The following SAE1 variants were observed in gnomAD, a reference collection of about 807,000 sequenced individuals.
SAE1 encodes the protein SUMO-activating enzyme subunit 1.
In SAE1, 11 loss-of-function variants were observed where a neutral mutation model predicts 40.6. The ratio of observed to expected loss-of-function variants is 0.27; its 90% CI spans 0.17 to 0.45. The LOEUF (loss-of-function observed/expected upper bound fraction) is 0.45. Ranked by LOEUF, SAE1 falls within the 20% of genes least tolerant of loss-of-function variation. The pLI, the probability that SAE1 is intolerant of heterozygous loss-of-function variation, is 1.00. For missense variants in SAE1, 373 were observed against 427.3 expected, an observed-to-expected ratio of 0.87 and a Z score of 1.12; for synonymous variants, 155 against 154.3, an observed-to-expected ratio of 1.00 and a Z score of -0.03.
intron 5 of SAE1, 119 bp from the exon 6 acceptor site, chr19:47,169,696 GCTT>G: frequency 1.4e-6 from 1 of 722,214 alleles, no homozygotes; most frequent in Admixed American, 2.1e-5. Flanking sequence ...AATGGCCCCT[GCTT>G]CTTTTAATGG....
At chr19:47,198,597 C>T (rs1393061285) in intron 7 of SAE1, among the ~76,000 whole-genome samples, 1 of 152,150 alleles carries the variant, frequency 6.6e-6, no homozygotes, top group East Asian at 1.9e-4. Flanking sequence ...ACCCAGATCC[C>T]ACCCCAGGTA....
chr19:47,203,650 C>T, intron 7 of SAE1, 21 bp from the exon 8 acceptor site: 2 of 1,611,498 alleles, frequency 1.2e-6, no homozygotes, highest in Non-Finnish European at 1.7e-6. Flanking sequence ...GCTCCATTTT[C>T]CTTGTCTTCC....
intron 6 of SAE1, among the ~76,000 whole-genome samples, chr19:47,184,281 T>C (rs2058528661): frequency 6.6e-6 from 1 of 152,192 alleles, no homozygotes; most frequent in South Asian, 2.1e-4. Context: ...CACTATAACG[T>C]AGAGGTTAAG....
intron 6 of SAE1, among the ~76,000 whole-genome samples, chr19:47,184,798 TTTTTGTTTTG>T (rs201318034): frequency 0.019 from 2,771 of 148,536 alleles, 57 homozygotes; most frequent in African/African-American, 0.056. Flanking sequence ...TTTTGTTTTG[TTTTTGTTTTG>T]TTTTGTTTTG....
intron 6 of SAE1, among the ~76,000 whole-genome samples, chr19:47,177,347 C>T (rs887417838): frequency 6.6e-6 from 1 of 152,078 alleles, no homozygotes; most frequent in Non-Finnish European, 1.5e-5. Flanking sequence ...ATGTGTTGTT[C>T]CTGGTTTTTG....
At chr19:47,157,720 C>T (rs117516426) in intron 5 of SAE1, among the ~76,000 whole-genome samples, 8,133 of 152,252 alleles carry the variant, frequency 0.053, 318 homozygotes, top group Middle Eastern at 0.12. Context: ...TGGAGCTGAG[C>T]TGGAAGGTAT....
At chr19:47,133,788 G>T (rs2058161762) in intron 1 of SAE1, among the ~76,000 whole-genome samples, 1 of 152,064 alleles carries the variant, frequency 6.6e-6, no homozygotes, top group African/African-American at 2.4e-5. Flanking sequence ...CATTTTGAAA[G>T]ATATGGAGAG....
intron 2 of SAE1, among the ~76,000 whole-genome samples, chr19:47,149,774 C>T (rs1365554396): frequency 1.3e-5 from 2 of 152,070 alleles, no homozygotes; most frequent in Non-Finnish European, 2.9e-5. Flanking sequence ...CAAATTGCTA[C>T]AGGAACAGTA....
intron 2 of SAE1, among the ~76,000 whole-genome samples, chr19:47,149,322 C>G (rs182799830): frequency 6.6e-5 from 10 of 151,988 alleles, no homozygotes; most frequent in Admixed American, 5.9e-4. Context: ...AGGCACACAC[C>G]ACCACACCTG....
chr19:47,143,686 C>T (rs1212148670), intron 2 of SAE1, 81 bp downstream of exon 2: 2 of 1,025,892 alleles, frequency 1.9e-6, no homozygotes, highest in African/African-American at 1.6e-5. Context: ...TGAGTTCCTC[C>T]TTGTGCCTTA....
chr19:47,202,843 G>A (rs2058663201), intron 7 of SAE1, among the ~76,000 whole-genome samples: 1 of 152,076 alleles, frequency 6.6e-6, no homozygotes, highest in Non-Finnish European at 1.5e-5. Flanking sequence ...CCGGGAGGCG[G>A]AGCTTGCAGT....
At chr19:47,186,638 C>G (rs901457965) in intron 6 of SAE1, among the ~76,000 whole-genome samples, 1 of 152,114 alleles carries the variant, frequency 6.6e-6, no homozygotes, top group African/African-American at 2.4e-5. Context: ...AGTGCATGCT[C>G]CTTTTCCCCA....
intron 2 of SAE1, among the ~76,000 whole-genome samples, chr19:47,146,087 T>A (rs2058254236): frequency 6.6e-6 from 1 of 152,008 alleles, no homozygotes; most frequent in Admixed American, 6.6e-5. Context: ...GCAGGGGACA[T>A]AGCAGTGTCA....
At chr19:47,197,771 T>A (rs1023944039) in intron 7 of SAE1, among the ~76,000 whole-genome samples, 1 of 152,226 alleles carries the variant, frequency 6.6e-6, no homozygotes, top group African/African-American at 2.4e-5. Context: ...ATTGAACCAG[T>A]TGCCTGCTCA....
intron 8 of SAE1, among the ~76,000 whole-genome samples, chr19:47,205,513 G>C (rs2058681808): frequency 6.6e-6 from 1 of 152,096 alleles, no homozygotes; most frequent in South Asian, 2.1e-4. Flanking sequence ...GAAAATTACA[G>C]TTTATATGCC....
intron 7 of SAE1, among the ~76,000 whole-genome samples, chr19:47,202,835 G>A (rs1281114879): frequency 2.6e-5 from 4 of 152,128 alleles, no homozygotes; most frequent in African/African-American, 9.6e-5. Context: ...ACATGAATCC[G>A]GGAGGCGGAG....
chr19:47,168,760 C>T (rs1362201122), intron 5 of SAE1, among the ~76,000 whole-genome samples: 1 of 152,004 alleles, frequency 6.6e-6, no homozygotes, highest in African/African-American at 2.4e-5. Context: ...CCTGCCACCA[C>T]GTCCAACTAA....
rs138256884 is a variant in SAE1, at chr19:47,157,926, A to G, written c.627+2713A>G. Among the ~76,000 whole-genome samples the G allele has an allele frequency of 7.6e-3, 1,162 of 152,218 alleles. 10 individuals carry two copies. The highest frequency in any genetic ancestry group is 0.027 in the African/African-American group (1,103 of 41,538). On this transcript the variant is annotated intron_variant, in intron 5 of 8. Coordinates refer to ENST00000270225, the MANE Select transcript of SAE1 (RefSeq NM_005500.3). ...GACTGGGCTGGACTGGGTTTTGGCCATGGCTTTGTCACCTTGCAATAACAT... is the reference window on the plus strand; with the variant it reads ...GACTGGGCTGGACTGGGTTTTGGCCGTGGCTTTGTCACCTTGCAATAACAT...
In SAE1 at chr19:47,209,557, T is replaced by C. The variant is rs1250644169; in HGVS notation, c.*306T>C. 9 of 470,446 alleles carry C rather than the reference T, an allele frequency of 1.9e-5. No individual in the cohort carries two copies. Among genetic ancestry groups the C allele is most frequent in the African/African-American group, 1.4e-4 (7 of 50,738 alleles). 29.1% of individuals were successfully genotyped at this position (470,446 alleles called of 1,614,324 possible). ...CCCCTCTGCCCTTTCTCTGTCCTTA[T>C]GCTGTCCCGGCCTCGCCAGCCCTCT... On this transcript the variant is annotated 3_prime_UTR_variant, in exon 9 of 9. Transcript: ENST00000270225.
Sources: gnomAD v4.1 joint callset for allele counts (sites outside exome capture counted in the v4.1 genomes callset) on GRCh38, gnomAD v4.1.1 for gene constraint, MANE v1.5 for transcripts, NCBI Gene and HGNC (gene_info 2026-07-23, HGNC 2026-07-21) for gene names.